DDX19A: variants seen among roughly 807,000 people sequenced by gnomAD.
The protein encoded by DDX19A is ATP-dependent RNA helicase DDX19A.
DDX19A carries 12 observed loss-of-function variants against 60.6 expected under a neutral mutation model. The ratio of observed to expected loss-of-function variants is 0.20; its 90% CI spans 0.13 to 0.32. The LOEUF is 0.32. Ranked by LOEUF, DDX19A falls within the 10% of genes least tolerant of loss-of-function variation. The pLI, the probability that DDX19A is intolerant of heterozygous loss-of-function variation, is 1.00. For missense variants in DDX19A, 337 were observed against 600.6 expected (o/e 0.56, Z 4.59); for synonymous variants, 206 against 218.2 (o/e 0.94, Z 0.49).
At chr16:70,352,340 A>C (rs1391624959) in intron 2 of DDX19A, among the ~76,000 whole-genome samples, 2 of 143,382 alleles carry the variant, frequency 1.4e-5, no homozygotes, top group Admixed American at 1.5e-4. Context: ...GCTGGAGTGC[A>C]GTGGTGCAAT....
At chr16:70,361,640 A>G (rs1053349146) in intron 5 of DDX19A, 130 bp downstream of exon 5, 6 of 646,988 alleles carry the variant, frequency 9.3e-6, no homozygotes, top group Non-Finnish European at 1.6e-5. Context: ...AGCTTAGGCA[A>G]GTGCAGAGAG....
chr16:70,357,903 T>G (rs1235419485), intron 4 of DDX19A, among the ~76,000 whole-genome samples: 3 of 152,290 alleles, frequency 2.0e-5, no homozygotes, highest in Non-Finnish European at 4.4e-5. Flanking sequence ...GTATGGCCAC[T>G]ATGGACAAAT....
Position 70,346,990 on chromosome 16 carries a change from C to G in DDX19A, c.-2C>G. 9 of 1,612,420 alleles carry G rather than the reference C, an allele frequency of 5.6e-6. No homozygotes were observed. The highest frequency in any genetic ancestry group is 7.6e-6 in the Non-Finnish European group (9 of 1,179,698). The stretch of plus-strand genomic sequence containing the variant: ...ACAAGTGGGTCTCCCTTGTCCGGGA[C>G]TATGGCCACCGACTCGTGGGCCCTG... On this transcript the variant is annotated 5_prime_UTR_variant, in exon 1 of 12. Transcript: ENST00000302243.
intron 7 of DDX19A, chr16:70,365,750 A>G (rs1964500710): frequency 5.3e-6 from 2 of 377,502 alleles, no homozygotes; most frequent in Admixed American, 3.9e-5. Flanking sequence ...ACCGCACTCT[A>G]GTCTGGGCAA....
intron 2 of DDX19A, 143 bp downstream of exon 2, chr16:70,350,748 G>T: frequency 1.8e-6 from 1 of 571,418 alleles, no homozygotes. Context: ...GTTACTGAAG[G>T]GATATGTCGA....
rs564655372 is a variant in DDX19A at position 70,366,907 on chromosome 16, A to G, written c.1020+46A>G. 398 of 1,608,886 alleles carry G rather than the reference A, an allele frequency of 2.5e-4. 7 individuals are homozygous for G. In the South Asian group the frequency reaches 3.6e-3, roughly 15 times the overall value. On this transcript the variant is annotated intron_variant, in intron 9 of 11. Transcript: ENST00000302243. ...CAGGCCTGGCCCCTCCCTCTCAGCCAGCTCCCCACAGGGCTCAGGAGGACT... is the reference window on the plus strand; with the variant it reads ...CAGGCCTGGCCCCTCCCTCTCAGCCGGCTCCCCACAGGGCTCAGGAGGACT...
chr16:70,347,332 C>T, intron 1 of DDX19A: 1 of 484,702 alleles, frequency 2.1e-6, no homozygotes, highest in Non-Finnish European at 3.7e-6. Flanking sequence ...ATAAGGAAAG[C>T]CAAGTTTAGA....
chr16:70,362,692 C>T (rs1964403447), intron 5 of DDX19A, among the ~76,000 whole-genome samples: 3 of 152,208 alleles, frequency 2.0e-5, no homozygotes, highest in South Asian at 4.2e-4. Context: ...ATCCTCTCAC[C>T]TCAGCCTCCG....
intron 9 of DDX19A, among the ~76,000 whole-genome samples, chr16:70,367,913 C>T (rs1182743510): frequency 6.6e-6 from 1 of 151,496 alleles, no homozygotes; most frequent in African/African-American, 2.4e-5. Context: ...TAGTGGCTCA[C>T]GCCTGTAATC....
At chr16:70,368,560 T>C (rs1021192951) in intron 9 of DDX19A, among the ~76,000 whole-genome samples, 1 of 151,314 alleles carries the variant, frequency 6.6e-6, no homozygotes, top group South Asian at 2.1e-4. Flanking sequence ...CATGAGCCAC[T>C]GCGCCTGACG....
intron 10 of DDX19A, 69 bp downstream of exon 10, chr16:70,370,454 C>T: frequency 6.4e-7 from 1 of 1,566,950 alleles, no homozygotes; most frequent in African/African-American, 1.4e-5. Flanking sequence ...AGCCAGAAAT[C>T]CTTGTATACA....
intron 1 of DDX19A, 119 bp from the exon 2 acceptor site, chr16:70,350,438 C>T (rs979054486): frequency 2.7e-5 from 17 of 628,930 alleles, no homozygotes; most frequent in Non-Finnish European, 4.4e-5. Flanking sequence ...AAACCGACTC[C>T]CTGAATACTG....
chr16:70,353,488 T>C (rs555287536), intron 2 of DDX19A, among the ~76,000 whole-genome samples: 15 of 152,190 alleles, frequency 9.9e-5, no homozygotes, highest in Non-Finnish European at 1.8e-4. Flanking sequence ...CCCAGCACTT[T>C]GGGAGGCCGA....
intron 4 of DDX19A, chr16:70,356,910 A>C: frequency 8.0e-7 from 1 of 1,246,320 alleles, no homozygotes; most frequent in South Asian, 1.3e-5. Context: ...TGATTAGGTA[A>C]GCCCTTAAGT....
chr16:70,370,158 G>T, intron 9 of DDX19A, 65 bp from the exon 10 acceptor site: 1 of 1,538,938 alleles, frequency 6.5e-7, no homozygotes, highest in Non-Finnish European at 8.7e-7. Context: ...CAGCAAGACT[G>T]TGTCTCAAAA....
In DDX19A at chr16:70,350,996, A is replaced by G. The variant is rs559098350; in HGVS notation, c.106+391A>G. On this transcript the variant is annotated intron_variant, in intron 2 of 11. Coordinates refer to ENST00000302243, the MANE Select transcript of DDX19A (RefSeq NM_018332.5). ...GGGTTCATAACCATTCTCCTGCCTC[A>G]GCCTCCCGAGTAGCTGGGACTACAG... Among the ~76,000 whole-genome samples, 202 of 150,452 alleles carry G rather than the reference A, an allele frequency of 1.3e-3. 5 individuals carry two copies. The highest frequency in any genetic ancestry group is 4.5e-3 in the African/African-American group (184 of 41,104).
chr16:70,356,412 A>G (rs892604433), intron 4 of DDX19A, among the ~76,000 whole-genome samples, 165 bp downstream of exon 4: 8 of 151,790 alleles, frequency 5.3e-5, no homozygotes, highest in Non-Finnish European at 1.2e-4. Flanking sequence ...CCTGGAGTGC[A>G]ATGGCGTGAT....
At chr16:70,364,048 A>C (rs1370311493) in intron 5 of DDX19A, 2 of 153,086 alleles carry the variant, frequency 1.3e-5, no homozygotes. Context: ...TTTAATGACA[A>C]CCATGCCACC....
At chr16:70,350,466 C>T (rs1271316251) in intron 1 of DDX19A, 91 bp from the exon 2 acceptor site, 2 of 921,216 alleles carry the variant, frequency 2.2e-6, no homozygotes, top group African/African-American at 1.7e-5. Flanking sequence ...AAGTTTCACA[C>T]TAGACTTTTA....
Sources: gnomAD v4.1 joint callset for allele counts (sites outside exome capture counted in the v4.1 genomes callset) on GRCh38, gnomAD v4.1.1 for gene constraint, MANE v1.5 for transcripts, NCBI Gene and HGNC (gene_info 2026-07-23, HGNC 2026-07-21) for gene names.